SCHIP1: variants seen among roughly 807,000 people sequenced by gnomAD.
The protein encoded by SCHIP1 is schwannomin-interacting protein 1.
A neutral mutation model predicts 29.7 loss-of-function variants in SCHIP1; 8 were observed. That is an observed-to-expected ratio of 0.27 (90% CI 0.16 to 0.49). The LOEUF is 0.49. SCHIP1 is among the 20% of genes least tolerant of loss of function. The probability of loss-of-function intolerance (pLI) is 0.99; values close to 1 mark genes in which losing one functional copy is unlikely to be tolerated. For missense variants in SCHIP1, 193 were observed against 294.6 expected, an observed-to-expected ratio of 0.66 and a Z score of 2.52; for synonymous variants, 76 against 94.9, an observed-to-expected ratio of 0.80 and a Z score of 1.16.
the SCHIP1 span, among the ~76,000 whole-genome samples, chr3:159,728,942 G>A: frequency 6.6e-6 from 1 of 152,270 alleles, no homozygotes; most frequent in East Asian, 1.9e-4. Flanking sequence ...CTGAGGTCAG[G>A]AGTTCAAGAC....
the SCHIP1 span, among the ~76,000 whole-genome samples, chr3:159,541,050 G>T: frequency 4.5e-4 from 68 of 152,142 alleles, no homozygotes; most frequent in Middle Eastern, 3.4e-3. Flanking sequence ...AGTGTAATAG[G>T]CTACGGATGA....
At chr3:159,539,029 C>T in the SCHIP1 span, among the ~76,000 whole-genome samples, 2 of 152,228 alleles carry the variant, frequency 1.3e-5, no homozygotes, top group South Asian at 4.1e-4. Context: ...TCCCTCCAAA[C>T]AGTATCTATC....
the SCHIP1 span, among the ~76,000 whole-genome samples, chr3:159,542,426 C>T: frequency 6.6e-6 from 1 of 152,008 alleles, no homozygotes; most frequent in African/African-American, 2.4e-5. Flanking sequence ...TATTAACTTG[C>T]ATTTTCTATT....
At chr3:159,613,957 T>C in the SCHIP1 span, among the ~76,000 whole-genome samples, 13 of 152,312 alleles carry the variant, frequency 8.5e-5, no homozygotes, top group Admixed American at 2.6e-4. Flanking sequence ...ATAACAATAA[T>C]GTATATTAAC....
the SCHIP1 span, among the ~76,000 whole-genome samples, chr3:159,622,635 A>G: frequency 3.9e-5 from 6 of 152,150 alleles, no homozygotes; most frequent in African/African-American, 1.4e-4. Flanking sequence ...GAAATAATTT[A>G]CAGCCGGGCA....
the SCHIP1 span, among the ~76,000 whole-genome samples, chr3:159,332,403 G>A: frequency 0.029 from 4,394 of 152,166 alleles, 88 homozygotes; most frequent in East Asian, 0.11. Context: ...ACTCAAATCC[G>A]TCTCCCAAGT....
the SCHIP1 span, among the ~76,000 whole-genome samples, chr3:159,615,303 C>T: frequency 2.6e-5 from 4 of 152,322 alleles, no homozygotes; most frequent in African/African-American, 9.6e-5. Flanking sequence ...TTTGTACTTT[C>T]TGACGGGAGT....
the SCHIP1 span, chr3:159,274,808 T>C: frequency 1.9e-5 from 12 of 645,790 alleles, no homozygotes; most frequent in African/African-American, 4.0e-5. Context: ...GGAACATTTA[T>C]TTATGCAGAA....
the SCHIP1 span, among the ~76,000 whole-genome samples, chr3:159,298,354 C>T: frequency 6.6e-6 from 1 of 152,168 alleles, no homozygotes; most frequent in Admixed American, 6.5e-5. Flanking sequence ...CACAAATCAA[C>T]CATATAGACC....
At chr3:159,477,850 C>G in the SCHIP1 span, among the ~76,000 whole-genome samples, 1 of 151,492 alleles carries the variant, frequency 6.6e-6, no homozygotes, top group Admixed American at 6.6e-5. Flanking sequence ...AAATTATTGC[C>G]TAGATCTACA....
At chr3:159,807,129 C>T in the SCHIP1 span, among the ~76,000 whole-genome samples, 2 of 152,160 alleles carry the variant, frequency 1.3e-5, no homozygotes, top group Non-Finnish European at 2.9e-5. Context: ...TGGGATACAT[C>T]GCCTTCTTGC....
the SCHIP1 span, among the ~76,000 whole-genome samples, chr3:159,570,071 A>C: frequency 7.6e-3 from 1,159 of 152,190 alleles, 7 homozygotes; most frequent in Middle Eastern, 0.034. Flanking sequence ...AGATTGCAAA[A>C]ATTTTCTCCC....
chr3:159,659,028 T>G, the SCHIP1 span, among the ~76,000 whole-genome samples: 1 of 152,214 alleles, frequency 6.6e-6, no homozygotes, highest in Non-Finnish European at 1.5e-5. Context: ...TCTCACTTAA[T>G]GAATATTAGT....
the SCHIP1 span, among the ~76,000 whole-genome samples, chr3:159,750,211 A>G: frequency 6.7e-6 from 1 of 150,172 alleles, no homozygotes; most frequent in African/African-American, 2.5e-5. Context: ...CCTTTGTCCA[A>G]GCAGATGCAC....
At chr3:159,505,998 C>T in the SCHIP1 span, among the ~76,000 whole-genome samples, 1 of 152,148 alleles carries the variant, frequency 6.6e-6, no homozygotes, top group African/African-American at 2.4e-5. Context: ...AATGGGATGG[C>T]TGGGTCAAAT....
the SCHIP1 span, among the ~76,000 whole-genome samples, chr3:159,442,694 G>C: frequency 2.6e-5 from 4 of 152,152 alleles, no homozygotes; most frequent in Non-Finnish European, 5.9e-5. Flanking sequence ...CAACATGGAG[G>C]GAGGTTTGCA....
chr3:159,625,172 G>C, the SCHIP1 span, among the ~76,000 whole-genome samples: 1 of 152,272 alleles, frequency 6.6e-6, no homozygotes, highest in South Asian at 2.1e-4. Context: ...CTTGGAGCTA[G>C]AGAAACCAGG....
chr3:159,818,772 G>C, the SCHIP1 span, among the ~76,000 whole-genome samples: 2 of 152,180 alleles, frequency 1.3e-5, no homozygotes, highest in Admixed American at 1.3e-4. Context: ...CTAGTCCATG[G>C]TCATATCACA....
chr3:159,779,022 GA>G, the SCHIP1 span, among the ~76,000 whole-genome samples: 1 of 152,120 alleles, frequency 6.6e-6, no homozygotes, highest in East Asian at 1.9e-4. Flanking sequence ...TTTAAAGTAG[GA>G]AACAACTTTT....
Sources: allele counts gnomAD v4.1 joint callset (sites outside exome capture counted in the v4.1 genomes callset), GRCh38; gene constraint gnomAD v4.1.1; transcripts MANE v1.5; gene names NCBI Gene and HGNC (gene_info 2026-07-23, HGNC 2026-07-21).